Variants in GLIS3 observed in about 807,000 individuals in gnomAD.
GLIS3 encodes the protein zinc finger protein GLIS3.
Under a neutral mutation model 78.6 loss-of-function variants are expected in GLIS3, and 53 were observed. The observed-to-expected ratio is 0.67, with a 90% confidence interval of 0.54 to 0.85. GLIS3 has a LOEUF of 0.85. Ranked by LOEUF, GLIS3 falls within the 40% of genes least tolerant of loss-of-function variation. The pLI is 0.00. For synonymous variants in GLIS3, 684 were observed against 509.9 expected, an observed-to-expected ratio of 1.34 and a Z score of -4.60; for missense variants, 1,703 against 1,231.1, an observed-to-expected ratio of 1.38 and a Z score of -5.74.
the GLIS3 span, among the ~76,000 whole-genome samples, chr9:4,485,942 C>CA: frequency 1.2e-4 from 19 of 152,102 alleles, no homozygotes; most frequent in Admixed American, 1.3e-4. Flanking sequence ...AGGCTGGTCT[C>CA]AAACTCCTGA....
chr9:4,033,048 T>C, intron 4 of GLIS3, among the ~76,000 whole-genome samples: 1 of 151,820 alleles, frequency 6.6e-6, no homozygotes, highest in Admixed American at 6.6e-5. Context: ...AGAGACGGGG[T>C]TTCACCGGGT....
chr9:4,081,998 T>G (rs1828588521), intron 4 of GLIS3, among the ~76,000 whole-genome samples: 1 of 152,188 alleles, frequency 6.6e-6, no homozygotes, highest in Non-Finnish European at 1.5e-5. Flanking sequence ...CAGCTAATAA[T>G]CTAAACATAA....
At chr9:4,181,710 T>C (rs541592674) in intron 2 of GLIS3, among the ~76,000 whole-genome samples, 4 of 152,358 alleles carry the variant, frequency 2.6e-5, no homozygotes, top group Admixed American at 6.5e-5. Flanking sequence ...CTTTGGCTAA[T>C]GATGCAGAGG....
intron 2 of GLIS3, among the ~76,000 whole-genome samples, chr9:4,325,389 T>TGAAA (rs148023072): frequency 6.6e-6 from 1 of 152,262 alleles, no homozygotes; most frequent in South Asian, 2.1e-4. Flanking sequence ...TGGACAAACA[T>TGAAA]GAAAGAAAGA....
At chr9:4,231,765 G>C (rs1006227899) in intron 2 of GLIS3, among the ~76,000 whole-genome samples, 2 of 152,142 alleles carry the variant, frequency 1.3e-5, no homozygotes, top group Admixed American at 1.3e-4. Context: ...GACATTTTCA[G>C]GCATTCAAAG....
At chr9:4,381,496 A>T in the GLIS3 span, among the ~76,000 whole-genome samples, 2 of 152,220 alleles carry the variant, frequency 1.3e-5, no homozygotes, top group East Asian at 1.9e-4. Flanking sequence ...AGGAAAAGAT[A>T]AGAGTTGCAT....
intron 2 of GLIS3, among the ~76,000 whole-genome samples, chr9:4,181,276 GCAGA>G (rs1325652385): frequency 6.6e-6 from 1 of 152,264 alleles, no homozygotes; most frequent in African/African-American, 2.4e-5. Context: ...CTCGCCTCAT[GCAGA>G]CACTTTTTAT....
At chr9:4,392,086 T>C in the GLIS3 span, among the ~76,000 whole-genome samples, 4 of 152,164 alleles carry the variant, frequency 2.6e-5, no homozygotes, top group African/African-American at 9.7e-5. Context: ...AATGAGATCA[T>C]GTCCTTTGCA....
chr9:4,025,720 C>A (rs546530463), intron 4 of GLIS3, among the ~76,000 whole-genome samples: 75 of 152,274 alleles, frequency 4.9e-4, no homozygotes, highest in African/African-American at 1.7e-3. Context: ...TAGAATTAAT[C>A]ATGAGTCTCA....
intron 2 of GLIS3, among the ~76,000 whole-genome samples, chr9:4,267,944 CCTGTGTGTGTGTGTGTGTGT>C (rs1174921889): frequency 4.0e-5 from 6 of 150,008 alleles, no homozygotes; most frequent in Admixed American, 3.3e-4. Flanking sequence ...TATAAAAATA[CCTGTGTGTGTGTGTGTGTGT>C]GTGTGTGTGT....
intron 1 of GLIS3, among the ~76,000 whole-genome samples, chr9:4,290,363 G>A (rs938323674): frequency 6.6e-6 from 1 of 152,102 alleles, no homozygotes; most frequent in Admixed American, 6.5e-5. Flanking sequence ...ATCTGTCTAA[G>A]CCATCTACAA....
the GLIS3 span, among the ~76,000 whole-genome samples, chr9:4,455,794 G>T: frequency 0.57 from 86,443 of 151,906 alleles, 24,574 homozygotes; most frequent in Middle Eastern, 0.7. Context: ...TCACATGATT[G>T]TTTTTCATTT....
At chr9:4,454,339 C>G in the GLIS3 span, among the ~76,000 whole-genome samples, 87,553 of 151,936 alleles carry the variant, frequency 0.58, 25,642 homozygotes, top group South Asian at 0.72. Context: ...GGGGTTGAGA[C>G]TTCCATTTTC....
At chr9:4,239,149 C>A (rs1363496329) in intron 2 of GLIS3, among the ~76,000 whole-genome samples, 2 of 120,026 alleles carry the variant, frequency 1.7e-5, no homozygotes, top group Admixed American at 1.1e-4. Flanking sequence ...AATAAACATA[C>A]ATGTGCATGC....
At chr9:4,467,167 A>G in the GLIS3 span, among the ~76,000 whole-genome samples, 1 of 152,224 alleles carries the variant, frequency 6.6e-6, no homozygotes, top group Admixed American at 6.5e-5. Context: ...CCACAGCTCA[A>G]GGAGGCCTGC....
intron 2 of GLIS3, among the ~76,000 whole-genome samples, chr9:4,224,296 T>C (rs949700347): frequency 6.6e-6 from 1 of 152,328 alleles, no homozygotes; most frequent in Non-Finnish European, 1.5e-5. Context: ...TCAATCGTGA[T>C]GATAACCAAG....
the GLIS3 span, among the ~76,000 whole-genome samples, chr9:4,487,298 G>T: frequency 6.6e-6 from 1 of 152,114 alleles, no homozygotes; most frequent in Non-Finnish European, 1.5e-5. Flanking sequence ...TGCCTGTCCA[G>T]GTTGACTCCA....
At chr9:4,406,740 A>C in the GLIS3 span, among the ~76,000 whole-genome samples, 1 of 152,194 alleles carries the variant, frequency 6.6e-6, no homozygotes, top group Admixed American at 6.5e-5. Flanking sequence ...AATTAACCAA[A>C]TACGTGAAAG....
chr9:4,267,174 T>C (rs949898347), intron 2 of GLIS3, among the ~76,000 whole-genome samples: 3 of 152,140 alleles, frequency 2.0e-5, no homozygotes, highest in Admixed American at 6.5e-5. Flanking sequence ...CTTAACCTTA[T>C]AGGGTTTCCT....
Sources: allele counts gnomAD v4.1 joint callset (sites outside exome capture counted in the v4.1 genomes callset), GRCh38; gene constraint gnomAD v4.1.1; transcripts MANE v1.5; gene names NCBI Gene and HGNC (gene_info 2026-07-23, HGNC 2026-07-21).